The following NXPE2 variants were observed in gnomAD, a reference collection of about 807,000 sequenced individuals.
NXPE2 encodes the protein neurexophilin and PC-esterase domain family member 2.
In NXPE2, 34 loss-of-function variants were observed where a neutral mutation model predicts 34.4. That is an observed-to-expected ratio of 0.99 (90% CI 0.75 to 1.31). The LOEUF is 1.31. Among genes scored for constraint, NXPE2 ranks in the 40% most tolerant of loss-of-function variants. The pLI, the probability that NXPE2 is intolerant of heterozygous loss-of-function variation, is 0.00. For missense variants in NXPE2, 649 were observed against 672.5 expected, an observed-to-expected ratio of 0.97 and a Z score of 0.39; for synonymous variants, 235 against 231.3, an observed-to-expected ratio of 1.02 and a Z score of -0.15.
the NXPE2 span, among the ~76,000 whole-genome samples, chr11:114,478,897 TG>T: frequency 1.1e-4 from 16 of 152,350 alleles, no homozygotes; most frequent in East Asian, 2.9e-3. Context: ...GGCATGCTTC[TG>T]TTCCCTTTGG....
chr11:114,695,943 G>A (rs1465207005), intron 2 of NXPE2, among the ~76,000 whole-genome samples: 3 of 151,986 alleles, frequency 2.0e-5, no homozygotes, highest in Non-Finnish European at 4.4e-5. Flanking sequence ...GCTTGAACCC[G>A]GGAGGCGGAG....
At chr11:114,504,426 C>G in the NXPE2 span, among the ~76,000 whole-genome samples, 1 of 152,192 alleles carries the variant, frequency 6.6e-6, no homozygotes, top group African/African-American at 2.4e-5. Context: ...AGGGCCCCCC[C>G]ACACCCTCAC....
the NXPE2 span, among the ~76,000 whole-genome samples, chr11:114,567,406 C>G: frequency 6.6e-6 from 1 of 152,020 alleles, no homozygotes; most frequent in East Asian, 1.9e-4. Context: ...CAGACCCGCT[C>G]TAGCCTGGGA....
the NXPE2 span, among the ~76,000 whole-genome samples, chr11:114,717,558 G>A: frequency 6.6e-6 from 1 of 152,198 alleles, no homozygotes; most frequent in East Asian, 1.9e-4. Flanking sequence ...ACCACTTAAT[G>A]AACTGCATAA....
At chr11:114,495,957 A>G in the NXPE2 span, among the ~76,000 whole-genome samples, 32 of 152,140 alleles carry the variant, frequency 2.1e-4, no homozygotes, top group East Asian at 6.2e-3. Context: ...CTGGAGCTGC[A>G]AGCTGCACTG....
At chr11:114,752,762 T>A in the NXPE2 span, among the ~76,000 whole-genome samples, 3 of 152,110 alleles carry the variant, frequency 2.0e-5, no homozygotes, top group African/African-American at 7.2e-5. Flanking sequence ...TTTAGATATA[T>A]TAAATTTAAG....
the NXPE2 span, among the ~76,000 whole-genome samples, chr11:114,648,052 G>T: frequency 6.6e-6 from 1 of 151,984 alleles, no homozygotes; most frequent in African/African-American, 2.4e-5. Flanking sequence ...ATTCCCTGTG[G>T]TATATAAGAC....
At chr11:114,602,798 C>T in the NXPE2 span, among the ~76,000 whole-genome samples, 4 of 140,438 alleles carry the variant, frequency 2.8e-5, no homozygotes, top group African/African-American at 5.2e-5. Flanking sequence ...ATAATTATCT[C>T]ATATAATTAC....
At chr11:114,678,399 G>A, upstream of NXPE2, 1 of 550,388 alleles carries the variant, frequency 1.8e-6, no homozygotes, top group Admixed American at 3.2e-5. Context: ...GGTTGGGCAG[G>A]AACAGATCAT....
At chr11:114,614,321 C>A in the NXPE2 span, among the ~76,000 whole-genome samples, 25 of 151,156 alleles carry the variant, frequency 1.7e-4, no homozygotes, top group Admixed American at 9.9e-4. Context: ...TCGTAGGTAA[C>A]CACGGTTACC....
upstream of NXPE2, among the ~76,000 whole-genome samples, chr11:114,677,811 C>A (rs1454683956): frequency 6.6e-6 from 1 of 151,988 alleles, no homozygotes; most frequent in Non-Finnish European, 1.5e-5. Flanking sequence ...TATCTAGACA[C>A]TCTCATGCAG....
chr11:114,475,226 G>GTTTTTTTTTTTTTTTT, the NXPE2 span, among the ~76,000 whole-genome samples: 12 of 88,056 alleles, frequency 1.4e-4, 1 homozygote, highest in African/African-American at 2.9e-4. Context: ...AATGTGAACT[G>GTTTTTTTTTTTTTTTT]TTTTTTTTTT....
the NXPE2 span, among the ~76,000 whole-genome samples, chr11:114,729,563 C>A: frequency 3.9e-5 from 6 of 152,244 alleles, no homozygotes; most frequent in African/African-American, 1.4e-4. Context: ...TACAGCCTTG[C>A]CAGCATCGGT....
At chr11:114,711,708 C>T (rs1317938083), downstream of NXPE2, among the ~76,000 whole-genome samples, 2 of 152,160 alleles carry the variant, frequency 1.3e-5, no homozygotes, top group Non-Finnish European at 2.9e-5. Context: ...CCAGTGCAAT[C>T]TCTGTCAAAA....
the NXPE2 span, among the ~76,000 whole-genome samples, chr11:114,785,489 A>T: frequency 6.6e-6 from 1 of 152,204 alleles, no homozygotes; most frequent in Non-Finnish European, 1.5e-5. Context: ...AGTACAGCTC[A>T]TCAATGGCTC....
chr11:114,584,310 C>A, the NXPE2 span: 1 of 509,430 alleles, frequency 2.0e-6, no homozygotes, highest in Non-Finnish European at 4.0e-6. Context: ...ATATGACTAA[C>A]CAGAACACTA....
intron 2 of NXPE2, 63 bp downstream of exon 2, chr11:114,679,825 CT>C: frequency 1.1e-6 from 1 of 918,260 alleles, no homozygotes. Flanking sequence ...GAATGACCCC[CT>C]TTATCATGGC....
At chr11:114,550,224 C>T in the NXPE2 span, among the ~76,000 whole-genome samples, 1 of 152,204 alleles carries the variant, frequency 6.6e-6, no homozygotes, top group South Asian at 2.1e-4. Flanking sequence ...AGAAAGTTCA[C>T]TTGAAAGGAT....
At chr11:114,637,388 G>C in the NXPE2 span, among the ~76,000 whole-genome samples, 2 of 152,036 alleles carry the variant, frequency 1.3e-5, no homozygotes, top group African/African-American at 2.4e-5. Flanking sequence ...CCTGAATACA[G>C]CACACTAATG....
Sources: gnomAD v4.1 joint callset for allele counts (sites outside exome capture counted in the v4.1 genomes callset) on GRCh38, gnomAD v4.1.1 for gene constraint, MANE v1.5 for transcripts, NCBI Gene and HGNC (gene_info 2026-07-23, HGNC 2026-07-21) for gene names.